Variants in KCNIP1 observed in about 807,000 individuals in gnomAD.
The protein encoded by KCNIP1 is potassium voltage-gated channel interacting protein 1.
Under a neutral mutation model 33.0 loss-of-function variants are expected in KCNIP1, and 18 were observed. That is an observed-to-expected ratio of 0.55 (90% CI 0.38 to 0.81). The LOEUF is 0.81. Among genes scored for constraint, KCNIP1 ranks in the 30% least tolerant of loss-of-function variants. The pLI is 0.00. For synonymous variants in KCNIP1, 93 were observed against 98.3 expected, an observed-to-expected ratio of 0.95 and a Z score of 0.32; for missense variants, 238 against 271.6, an observed-to-expected ratio of 0.88 and a Z score of 0.87.
At chr5:170,658,305 T>G (rs1160416990) in intron 1 of KCNIP1, among the ~76,000 whole-genome samples, 2 of 152,148 alleles carry the variant, frequency 1.3e-5, no homozygotes. Flanking sequence ...GGGCAGGTAC[T>G]CCCTGCATAG....
At chr5:170,630,846 G>A (rs962248120) in intron 1 of KCNIP1, among the ~76,000 whole-genome samples, 1 of 152,156 alleles carries the variant, frequency 6.6e-6, no homozygotes, top group Non-Finnish European at 1.5e-5. Flanking sequence ...TATCTTCCAG[G>A]TCCAGAAACT....
At chr5:170,595,793 C>CT (rs746993859) in intron 1 of KCNIP1, among the ~76,000 whole-genome samples, 1 of 152,252 alleles carries the variant, frequency 6.6e-6, no homozygotes, top group Non-Finnish European at 1.5e-5. Context: ...ACCCAAGACT[C>CT]TAACTCCAAA....
intron 1 of KCNIP1, among the ~76,000 whole-genome samples, chr5:170,482,583 T>C (rs896697341): frequency 4.6e-5 from 7 of 152,194 alleles, no homozygotes; most frequent in African/African-American, 1.4e-4. Flanking sequence ...TGGAATTAGA[T>C]ATATCTGATG....
At chr5:170,384,945 G>A (rs2071158) in intron 1 of KCNIP1, among the ~76,000 whole-genome samples, 32,965 of 152,156 alleles carry the variant, frequency 0.22, 3,686 homozygotes, top group South Asian at 0.27. Context: ...AGGCTTCAGA[G>A]GGGAGAGAAT....
At chr5:170,562,135 A>G (rs1757053656) in intron 1 of KCNIP1, among the ~76,000 whole-genome samples, 1 of 152,226 alleles carries the variant, frequency 6.6e-6, no homozygotes, top group Non-Finnish European at 1.5e-5. Flanking sequence ...GATGGAAGCA[A>G]AGAAAAGAGG....
chr5:170,625,891 C>T (rs977526181), intron 1 of KCNIP1, among the ~76,000 whole-genome samples: 1 of 152,162 alleles, frequency 6.6e-6, no homozygotes, highest in South Asian at 2.1e-4. Context: ...GGTGAGACTG[C>T]GACAAGACAG....
At chr5:170,365,826 A>G (rs1259180935) in intron 1 of KCNIP1, among the ~76,000 whole-genome samples, 1 of 152,268 alleles carries the variant, frequency 6.6e-6, no homozygotes, top group Non-Finnish European at 1.5e-5. Context: ...CAATAATGCC[A>G]ATACCACAGG....
intron 1 of KCNIP1, among the ~76,000 whole-genome samples, chr5:170,540,996 G>C (rs1413409344): frequency 6.6e-6 from 1 of 152,150 alleles, no homozygotes; most frequent in Non-Finnish European, 1.5e-5. Flanking sequence ...TATAGAATGG[G>C]GGTATAGAGA....
At chr5:170,717,206 T>C (rs1303861702) in intron 1 of KCNIP1, among the ~76,000 whole-genome samples, 3 of 152,246 alleles carry the variant, frequency 2.0e-5, no homozygotes, top group Middle Eastern at 3.2e-3. Flanking sequence ...AAAATATTAA[T>C]ATGTATATAA....
chr5:170,425,715 C>T (rs1018033601), intron 1 of KCNIP1, among the ~76,000 whole-genome samples: 1 of 152,222 alleles, frequency 6.6e-6, no homozygotes, highest in African/African-American at 2.4e-5. Flanking sequence ...CCACGGAAGC[C>T]TCTGTGCCAT....
chr5:170,423,625 A>G (rs1755545824), intron 1 of KCNIP1, among the ~76,000 whole-genome samples: 1 of 152,204 alleles, frequency 6.6e-6, no homozygotes, highest in South Asian at 2.1e-4. Context: ...AGCCTCGAGG[A>G]TCCCCAGCTT....
chr5:170,416,193 T>C (rs1755325188), intron 1 of KCNIP1, among the ~76,000 whole-genome samples: 1 of 152,152 alleles, frequency 6.6e-6, no homozygotes, highest in Non-Finnish European at 1.5e-5. Context: ...TTCCTAAATC[T>C]GGTCTGAACT....
chr5:170,597,042 G>A (rs1395150272), intron 1 of KCNIP1, among the ~76,000 whole-genome samples: 1 of 152,206 alleles, frequency 6.6e-6, no homozygotes, highest in African/African-American at 2.4e-5. Context: ...GTAACATATT[G>A]AAGCTCATGC....
intron 1 of KCNIP1, among the ~76,000 whole-genome samples, chr5:170,519,333 T>C (rs1755269608): frequency 6.6e-6 from 1 of 152,176 alleles, no homozygotes; most frequent in South Asian, 2.1e-4. Flanking sequence ...ATGAGTCATG[T>C]GGTGCCAGCG....
At chr5:170,640,446 T>TCTG (rs1760496620) in intron 1 of KCNIP1, among the ~76,000 whole-genome samples, 1 of 152,210 alleles carries the variant, frequency 6.6e-6, no homozygotes, top group Admixed American at 6.5e-5. Context: ...CAGGTGAATA[T>TCTG]CAGCCTTTGG....
chr5:170,712,101 G>C (rs905928256), intron 1 of KCNIP1, among the ~76,000 whole-genome samples: 2 of 152,096 alleles, frequency 1.3e-5, no homozygotes, highest in African/African-American at 4.8e-5. Flanking sequence ...GAGCTCCCTG[G>C]GACCTTGGAC....
intron 1 of KCNIP1, among the ~76,000 whole-genome samples, chr5:170,710,029 A>G (rs1215189434): frequency 1.3e-5 from 2 of 151,994 alleles, no homozygotes. Context: ...CACCATGCCC[A>G]GCTAATTTTC....
At chr5:170,678,324 C>T (rs982992085) in intron 1 of KCNIP1, 4 of 152,154 alleles carry the variant, frequency 2.6e-5, no homozygotes, top group Non-Finnish European at 2.9e-5. Context: ...TTCCTTCTGA[C>T]GTTATTGGGG....
chr5:170,692,458 G>T (rs1762753233), intron 1 of KCNIP1, among the ~76,000 whole-genome samples: 1 of 152,192 alleles, frequency 6.6e-6, no homozygotes, highest in Admixed American at 6.5e-5. Context: ...GATAAGGAAG[G>T]CAGAAAGAAG....
Sources: allele counts gnomAD v4.1 joint callset (sites outside exome capture counted in the v4.1 genomes callset), GRCh38; gene constraint gnomAD v4.1.1; transcripts MANE v1.5; gene names NCBI Gene and HGNC (gene_info 2026-07-23, HGNC 2026-07-21).